Variants in SUPT16H observed in about 807,000 individuals in gnomAD.
SUPT16H encodes the protein FACT complex subunit SPT16.
SUPT16H carries 24 observed loss-of-function variants against 136.2 expected under a neutral mutation model. The observed-to-expected ratio is 0.18, with a 90% CI of 0.13 to 0.25. The LOEUF (loss-of-function observed/expected upper bound fraction) is 0.25, where lower values mean the gene tolerates loss of function less well. SUPT16H is among the 10% of genes least tolerant of loss of function. The pLI, the probability that SUPT16H is intolerant of heterozygous loss-of-function variation, is 1.00. For missense variants in SUPT16H, 623 were observed against 1,270.2 expected, an observed-to-expected ratio of 0.49 and a Z score of 7.74; for synonymous variants, 415 against 428.2, an observed-to-expected ratio of 0.97 and a Z score of 0.38.
chr14:21,366,015 T>C (rs757031324), intron 8 of SUPT16H, among the ~76,000 whole-genome samples: 3 of 151,912 alleles, frequency 2.0e-5, no homozygotes, highest in East Asian at 3.9e-4. Flanking sequence ...GATGGGAGGA[T>C]TGCTGGAGCC....
intron 1 of SUPT16H, among the ~76,000 whole-genome samples, chr14:21,377,153 C>T (rs1886920794): frequency 6.7e-6 from 1 of 149,588 alleles, no homozygotes; most frequent in Non-Finnish European, 1.5e-5. Flanking sequence ...ATAGGAATTT[C>T]AGAAACAAAA....
intron 1 of SUPT16H, among the ~76,000 whole-genome samples, chr14:21,376,726 A>G (rs976019012): frequency 1.3e-5 from 2 of 152,174 alleles, no homozygotes; most frequent in Non-Finnish European, 2.9e-5. Context: ...GTTTCACGTA[A>G]AAGTCCTTGA....
At chr14:21,370,656 C>T (rs543210268) in intron 3 of SUPT16H, among the ~76,000 whole-genome samples, 168 bp from the exon 4 acceptor site, 10 of 152,306 alleles carry the variant, frequency 6.6e-5, no homozygotes, top group Admixed American at 3.9e-4. Context: ...CTACTACCCC[C>T]AGGGTAGAGC....
At chr14:21,367,419 C>T (rs1886695524) in intron 7 of SUPT16H, among the ~76,000 whole-genome samples, 1 of 152,112 alleles carries the variant, frequency 6.6e-6, no homozygotes, top group Non-Finnish European at 1.5e-5. Context: ...AGGGCTGTGG[C>T]CTTAATTTTT....
intron 1 of SUPT16H, among the ~76,000 whole-genome samples, chr14:21,379,383 C>G (rs1886970828): frequency 1.3e-5 from 2 of 149,582 alleles, no homozygotes; most frequent in Non-Finnish European, 3.0e-5. Flanking sequence ...TTGCAGTGAG[C>G]TGAGAATGCT....
rs1886330787 is a variant in SUPT16H at position 21,352,399 on chromosome 14, GAGA to G, written c.*271_*273del. 1 of 428,774 alleles carries G rather than the reference GAGA, an allele frequency of 2.3e-6. No homozygotes were observed. The highest frequency in any genetic ancestry group is 4.3e-6 in the Non-Finnish European group (1 of 233,028). 26.6% of individuals were successfully genotyped at this position (428,774 alleles called of 1,614,324 possible). On this transcript the variant is annotated 3_prime_UTR_variant, in exon 26 of 26. Coordinates refer to ENST00000216297, the MANE Select transcript of SUPT16H (RefSeq NM_007192.4). ...GTCTTGGCAGAAGGTGACAGGAAGA[GAGA>G]AGAATGAAACAATATTTATTAACAG...
intron 1 of SUPT16H, among the ~76,000 whole-genome samples, chr14:21,380,083 G>A (rs933531657): frequency 4.6e-5 from 7 of 151,980 alleles, no homozygotes; most frequent in African/African-American, 1.7e-4. Context: ...ATTTTTCTAT[G>A]TCATTACCCC....
intron 1 of SUPT16H, among the ~76,000 whole-genome samples, chr14:21,377,390 T>G (rs2007434): frequency 0.89 from 134,978 of 152,200 alleles, 60,093 homozygotes; most frequent in Middle Eastern, 0.94. Context: ...AACACTGAAG[T>G]CTTTGACGCC....
Position 21,382,362 on chromosome 14 carries a change from G to T in SUPT16H, c.66+1500C>A, listed in dbSNP as rs77001136. On this transcript the variant is annotated intron_variant, in intron 1 of 25. Transcript: ENST00000216297. ...TTTTGAGATACAAAAAAAAATGGTG[G>T]GTGGGAAATAACTTTCATGGATTTA... 8.5e-3 allele frequency among the ~76,000 whole-genome samples: 1,298 copies of T among 152,260 alleles called. 23 individuals are homozygous for T. Among genetic ancestry groups the T allele is most frequent in the African/African-American group, 0.028 (1,152 of 41,534 alleles).
At chr14:21,357,143 T>C in intron 22 of SUPT16H, 54 bp downstream of exon 22, 1 of 1,454,424 alleles carries the variant, frequency 6.9e-7, no homozygotes, top group Admixed American at 2.4e-5. Context: ...ACATTCAAAT[T>C]CTATAAAACA....
intron 1 of SUPT16H, chr14:21,382,898 G>A (rs1306832259): frequency 6.6e-6 from 1 of 152,042 alleles, no homozygotes; most frequent in Non-Finnish European, 1.5e-5. Flanking sequence ...AATTTTAATG[G>A]CTTGGTTTTA....
intron 18 of SUPT16H, among the ~76,000 whole-genome samples, chr14:21,359,946 CCTTCTAGATGCCAGGCCTTGTG>C (rs1463646693): frequency 6.6e-6 from 1 of 152,102 alleles, no homozygotes; most frequent in African/African-American, 2.4e-5. Context: ...CTTATGAGCC[CCTTCTAGATGCCAGGCCTTGTG>C]GCCTTTAGAG....
At position 21,365,090 on chromosome 14, in the gene SUPT16H, T is replaced by C. The variant is rs1320057477; in HGVS notation, c.1100A>G (p.Asn367Ser). ...CTTACCTTTCTTCAGTTTGTATTGA[T>C]TTTTGCTATTGATTACTAGGGAGCC... ...REGSLVINSK[N>S]QYKLKKGMVF... Residue 367 changes from asparagine (N) to serine (S), a missense_variant, in exon 9 of 26, where the codon AAT (asparagine) becomes AGT (serine). Around this residue, in one of 7 missense-constraint regions of SUPT16H, gnomAD observed 343 missense variants for 525.7 expected, o/e 0.65. Coordinates refer to ENST00000216297, the MANE Select transcript of SUPT16H (RefSeq NM_007192.4). 5 of 1,613,784 alleles carry C rather than the reference T, an allele frequency of 3.1e-6. No homozygotes were observed. Among genetic ancestry groups the C allele is most frequent in the East Asian group, 4.5e-5 (2 of 44,882 alleles).
intron 1 of SUPT16H, 115 bp downstream of exon 1, chr14:21,383,747 T>G: frequency 8.4e-7 from 1 of 1,196,878 alleles, no homozygotes; most frequent in Non-Finnish European, 1.2e-6. Flanking sequence ...ACGAAAAGGG[T>G]GAGGCACAGA....
intron 23 of SUPT16H, among the ~76,000 whole-genome samples, chr14:21,354,142 T>A (rs759762546): frequency 6.6e-6 from 1 of 152,186 alleles, no homozygotes; most frequent in African/African-American, 2.4e-5. Flanking sequence ...TTTTAAAAAA[T>A]AATTTTTGCA....
At chr14:21,372,261 C>A in intron 2 of SUPT16H, 1 of 508,632 alleles carries the variant, frequency 2.0e-6, no homozygotes, top group East Asian at 3.3e-5. Flanking sequence ...GTATTATTTT[C>A]TCTACGTTTA....
intron 23 of SUPT16H, 23 bp downstream of exon 23, chr14:21,354,388 A>T: frequency 6.2e-7 from 1 of 1,612,514 alleles, no homozygotes; most frequent in East Asian, 2.2e-5. Flanking sequence ...GTGTACCAGA[A>T]AAGAAACCCC....
At chr14:21,383,344 T>G (rs1887079661) in intron 1 of SUPT16H, 1 of 446,824 alleles carries the variant, frequency 2.2e-6, no homozygotes, top group African/African-American at 2.0e-5. Context: ...ATGAGGCGGT[T>G]GCGCGTGAGC....
At chr14:21,360,766 C>A in intron 17 of SUPT16H, 80 bp downstream of exon 17, 1 of 1,545,550 alleles carries the variant, frequency 6.5e-7, no homozygotes, top group South Asian at 1.3e-5. Context: ...GGCTCTTTGT[C>A]ATATTTTATT....
Sources: allele counts gnomAD v4.1 joint callset (sites outside exome capture counted in the v4.1 genomes callset), GRCh38; gene constraint gnomAD v4.1.1; regional missense constraint gnomAD v4.1.1; transcripts MANE v1.5; gene names NCBI Gene and HGNC (gene_info 2026-07-23, HGNC 2026-07-21).